The following TTC27 variants were observed in gnomAD, a reference collection of about 807,000 sequenced individuals.
TTC27 encodes the protein tetratricopeptide repeat domain 27, also known as tetratricopeptide repeat protein 27.
Under a neutral mutation model 115.9 loss-of-function variants are expected in TTC27, and 79 were observed. The observed-to-expected ratio is 0.68, with a 90% CI of 0.57 to 0.82. The LOEUF (loss-of-function observed/expected upper bound fraction) is 0.82. TTC27 is among the 40% of genes least tolerant of loss of function. The probability of loss-of-function intolerance (pLI) is 0.00; values close to 1 mark genes in which losing one functional copy is unlikely to be tolerated. For synonymous variants in TTC27, 401 were observed against 356.0 expected (o/e 1.13, Z -1.42); for missense variants, 1,054 against 993.1 (o/e 1.06, Z -0.82).
rs1333798225 is a variant in TTC27 at position 32,798,725 on chromosome 2, T to A, written c.1998+11576T>A. On this transcript the variant is annotated intron_variant, in intron 16 of 19. Transcript: ENST00000317907. ...AGCTCAAAAAAAAAAATAATAATAA[T>A]AATAATAATAATAAGTGTTGACAAG... Among the ~76,000 whole-genome samples, 183 of 137,314 alleles carry A rather than the reference T, an allele frequency of 1.3e-3. 3 individuals carry two copies. The highest frequency in any genetic ancestry group is 3.1e-3 in the East Asian group (15 of 4,802). The allele number at this position is 137,314 out of a possible 152,430, so 90.1% of individuals were successfully genotyped here. A position where few individuals can be genotyped will look rare whatever the true frequency, so the allele number is the denominator to read the frequency against.
intron 18 of TTC27, among the ~76,000 whole-genome samples, chr2:32,815,261 G>GA (rs1252810250): frequency 4.2e-5 from 3 of 70,866 alleles, no homozygotes; most frequent in Non-Finnish European, 7.4e-5. Context: ...TTTTGAGACG[G>GA]AGTCTTGCTC....
rs986245614 is a variant in TTC27 at position 32,710,938 on chromosome 2, A to AC, written c.1233+8023dup. 9.9e-5 allele frequency among the ~76,000 whole-genome samples: 15 copies of AC among 150,792 alleles called. No individual in the cohort carries two copies. In the East Asian group the frequency reaches 2.0e-3, roughly 20 times the overall value. On this transcript the variant is annotated intron_variant, in intron 10 of 19. Coordinates refer to ENST00000317907, the MANE Select transcript of TTC27 (RefSeq NM_017735.5). ...AAACCAGCCTGGCCAACATGGTGAGACCCCCATCTCTACTAAAAATACAAA... is the reference window on the plus strand; with the variant it reads ...AAACCAGCCTGGCCAACATGGTGAGACCCCCCATCTCTACTAAAAATACAAA...
intron 18 of TTC27, among the ~76,000 whole-genome samples, chr2:32,816,282 A>G (rs139979543): frequency 1.9e-3 from 282 of 151,812 alleles, no homozygotes; most frequent in Non-Finnish European, 3.1e-3. Flanking sequence ...GTGTCACTGC[A>G]CTCCAGCCTC....
chr2:32,762,920 G>A (rs777580285), intron 13 of TTC27, among the ~76,000 whole-genome samples: 2 of 152,298 alleles, frequency 1.3e-5, no homozygotes, highest in African/African-American at 2.4e-5. Flanking sequence ...GATTACAGGC[G>A]TGAGCCACCG....
intron 10 of TTC27, among the ~76,000 whole-genome samples, chr2:32,704,683 A>G (rs1053584082): frequency 6.6e-6 from 1 of 152,050 alleles, no homozygotes; most frequent in Non-Finnish European, 1.5e-5. Flanking sequence ...TTATTCCAGA[A>G]CAATTCCTAG....
At chr2:32,652,099 C>T (rs554480857) in intron 5 of TTC27, among the ~76,000 whole-genome samples, 41 of 152,214 alleles carry the variant, frequency 2.7e-4, no homozygotes, top group Middle Eastern at 6.8e-3. Flanking sequence ...CCGGGCCAGG[C>T]GCGTTGGCTC....
intron 16 of TTC27, among the ~76,000 whole-genome samples, chr2:32,791,934 A>G (rs960629960): frequency 3.3e-5 from 5 of 152,198 alleles, no homozygotes; most frequent in Non-Finnish European, 7.3e-5. Context: ...TTTTAACTAC[A>G]TGTATTCTTA....
At chr2:32,668,666 C>T (rs960654830) in intron 7 of TTC27, among the ~76,000 whole-genome samples, 2 of 151,122 alleles carry the variant, frequency 1.3e-5, no homozygotes, top group African/African-American at 4.9e-5. Context: ...AAGCAATCTT[C>T]TTGCCTCAAC....
rs577049282 is a variant in TTC27, at chr2:32,650,299, C to T, written c.640+66C>T. 4.4e-6 allele frequency: 5 copies of T among 1,126,064 alleles called. No homozygotes were observed. In the South Asian group the frequency reaches 5.1e-5, roughly 12 times the overall value. The allele number at this position is 1,126,064 out of a possible 1,614,324, so 69.8% of individuals were successfully genotyped here. On this transcript the variant is annotated intron_variant, in intron 5 of 19. Coordinates refer to ENST00000317907, the MANE Select transcript of TTC27 (RefSeq NM_017735.5). The stretch of plus-strand genomic sequence containing the variant: ...GTTCTAATTACTTGGCTGAGATACT[C>T]CTTTTTAGTTTATTTTTTGTCCGGT...
intron 10 of TTC27, among the ~76,000 whole-genome samples, chr2:32,715,296 G>T (rs571705706): frequency 6.6e-6 from 1 of 152,132 alleles, no homozygotes; most frequent in Non-Finnish European, 1.5e-5. Flanking sequence ...CATGTGGTTA[G>T]CCAGTTATCC....
At chr2:32,793,845 G>A (rs1033454987) in intron 16 of TTC27, among the ~76,000 whole-genome samples, 3 of 151,906 alleles carry the variant, frequency 2.0e-5, no homozygotes, top group Non-Finnish European at 4.4e-5. Flanking sequence ...TTTTTTAACT[G>A]TACTCTTTGT....
At chr2:32,751,540 A>G (rs1037159175) in intron 12 of TTC27, among the ~76,000 whole-genome samples, 24 of 152,096 alleles carry the variant, frequency 1.6e-4, no homozygotes, top group African/African-American at 5.3e-4. Flanking sequence ...TCACCACTAG[A>G]TAGATTCAGG....
intron 5 of TTC27, among the ~76,000 whole-genome samples, chr2:32,663,642 A>T (rs538161895): frequency 1.7e-5 from 1 of 58,236 alleles, no homozygotes; most frequent in Non-Finnish European, 3.9e-5. Context: ...CTATTTATGT[A>T]TGTATGTATG....
Position 32,702,849 on chromosome 2 carries a change from G to C in TTC27, c.1162G>C (p.Ala388Pro), listed in dbSNP as rs980033620. ...AAAGTTCTGGGCCATTCAGACATCA[G>C]CCTTGATCCTCCGGACAAAACTTGA... is the stretch of plus-strand genomic sequence containing the variant. Reference protein sequence around the residue: ...QPKFWAIQTSALILRTKLEKG... With the variant: ...QPKFWAIQTSPLILRTKLEKG... Residue 388 changes from alanine to proline, a missense_variant, in exon 10 of 20, where the codon GCC becomes CCC. Ala to Pro is a conservative substitution (Grantham distance 27, BLOSUM62 -1). Transcript: ENST00000317907. The C allele has an allele frequency of 3.7e-6, 6 of 1,613,930 alleles. No homozygotes were observed. Among genetic ancestry groups the C allele is most frequent in the African/African-American group, 1.3e-5 (1 of 74,894 alleles).
At chr2:32,639,610 A>G (rs1403293865) in intron 3 of TTC27, among the ~76,000 whole-genome samples, 3 of 152,224 alleles carry the variant, frequency 2.0e-5, no homozygotes, top group African/African-American at 7.2e-5. Flanking sequence ...ACTTTAATAT[A>G]GGGATGCTTT....
chr2:32,634,231 G>C (rs1259579650), intron 3 of TTC27, among the ~76,000 whole-genome samples: 1 of 151,810 alleles, frequency 6.6e-6, no homozygotes, highest in Non-Finnish European at 1.5e-5. Context: ...TGTTAGCTGT[G>C]TTTTTTAATG....
Position 32,650,353 on chromosome 2 carries a change from CTTTTTTTTTT to C in TTC27, c.640+132_640+141del, listed in dbSNP as rs368973893. 83 of 212,496 alleles carry C rather than the reference CTTTTTTTTTT, an allele frequency of 3.9e-4. 1 individual carries two copies. Among genetic ancestry groups the C allele is most frequent in the Non-Finnish European group, 5.9e-4 (73 of 123,098 alleles). The allele number at this position is 212,496 out of a possible 1,614,324, so 13.2% of individuals were successfully genotyped here. A position where few individuals can be genotyped will look rare whatever the true frequency, so the allele number is the denominator to read the frequency against. On this transcript the variant is annotated intron_variant, in intron 5 of 19. Coordinates refer to ENST00000317907, the MANE Select transcript of TTC27 (RefSeq NM_017735.5). ...AGTGCCTTTTCGTTTTGAGTTGTTT[CTTTTTTTTTT>C]TTTTTTTTTTTGGTGTAGAATATCA...
intron 19 of TTC27, among the ~76,000 whole-genome samples, chr2:32,818,059 A>C (rs568917063): frequency 8.4e-4 from 118 of 139,698 alleles, no homozygotes; most frequent in African/African-American, 2.3e-3. Flanking sequence ...ACCATGTCCC[A>C]AAAAAAAAAA....
intron 16 of TTC27, among the ~76,000 whole-genome samples, chr2:32,802,622 C>G (rs1385657693): frequency 6.6e-6 from 1 of 152,150 alleles, no homozygotes; most frequent in Non-Finnish European, 1.5e-5. Context: ...AGGTTTCCAG[C>G]AATATTAAAC....
Sources: gnomAD v4.1 joint callset for allele counts (sites outside exome capture counted in the v4.1 genomes callset) on GRCh38, gnomAD v4.1.1 for gene constraint, MANE v1.5 for transcripts, NCBI Gene and HGNC (gene_info 2026-07-23, HGNC 2026-07-21) for gene names.